Variants in EFCAB14 observed in about 807,000 individuals in gnomAD.
EFCAB14 encodes the protein EF-hand calcium binding domain 14, also known as EF-hand calcium-binding domain-containing protein 14.
In EFCAB14, 43 loss-of-function variants were observed where a neutral mutation model predicts 56.5. The ratio of observed to expected loss-of-function variants is 0.76; its 90% CI spans 0.60 to 0.98. EFCAB14 has a LOEUF of 0.98. Ranked by LOEUF, EFCAB14 falls within the 50% of genes least tolerant of loss-of-function variation. The pLI, the probability that EFCAB14 is intolerant of heterozygous loss-of-function variation, is 0.00. For missense variants in EFCAB14, 538 were observed against 580.3 expected (o/e 0.93, Z 0.75); for synonymous variants, 235 against 212.9 (o/e 1.10, Z -0.90).
chr1:46,683,915 T>C (rs1676837127), intron 9 of EFCAB14, among the ~76,000 whole-genome samples: 1 of 152,208 alleles, frequency 6.6e-6, no homozygotes, highest in Non-Finnish European at 1.5e-5. Context: ...AGAGAGTTTG[T>C]ACTGCTTTTC....
chr1:46,715,412 C>A (rs901613400), intron 2 of EFCAB14, among the ~76,000 whole-genome samples: 1 of 152,166 alleles, frequency 6.6e-6, no homozygotes, highest in African/African-American at 2.4e-5. Context: ...AAAAATAATA[C>A]CCATCTCACC....
At chr1:46,705,893 C>A (rs1430376780) in intron 3 of EFCAB14, among the ~76,000 whole-genome samples, 2 of 151,628 alleles carry the variant, frequency 1.3e-5, no homozygotes, top group Non-Finnish European at 2.9e-5. Context: ...GAGACAGGGT[C>A]TTGCTCTGTT....
intron 3 of EFCAB14, among the ~76,000 whole-genome samples, chr1:46,706,716 CTAATTA>C (rs1382153573): frequency 2.0e-5 from 3 of 152,220 alleles, no homozygotes; most frequent in Admixed American, 2.0e-4. Flanking sequence ...CTGCTTTTCT[CTAATTA>C]CTTAGAGTCC....
At chr1:46,683,991 G>A (rs1320276197) in intron 9 of EFCAB14, among the ~76,000 whole-genome samples, 1 of 152,156 alleles carries the variant, frequency 6.6e-6, no homozygotes. Flanking sequence ...CCTTGGTTAT[G>A]TCCTCACAGG....
chr1:46,693,649 C>T (rs1359647346), intron 4 of EFCAB14, among the ~76,000 whole-genome samples: 1 of 152,104 alleles, frequency 6.6e-6, no homozygotes, highest in Non-Finnish European at 1.5e-5. Context: ...TGTATGAACC[C>T]ATTGGGATGC....
intron 2 of EFCAB14, among the ~76,000 whole-genome samples, chr1:46,712,441 G>A (rs1677323270): frequency 6.6e-6 from 1 of 151,612 alleles, no homozygotes; most frequent in Non-Finnish European, 1.5e-5. Context: ...AGAGTTTCAG[G>A]GCCAGTCAGT....
In EFCAB14 at chr1:46,678,443, A is replaced by C. The variant is rs1372036868; in HGVS notation, c.*18T>G. 5.6e-6 allele frequency: 9 copies of C among 1,613,556 alleles called. No individual in the cohort carries two copies. Among genetic ancestry groups the C allele is most frequent in the Non-Finnish European group, 7.6e-6 (9 of 1,179,852 alleles). On this transcript the variant is annotated 3_prime_UTR_variant, in exon 11 of 11. Coordinates refer to ENST00000371933, the MANE Select transcript of EFCAB14 (RefSeq NM_014774.3). ...AATAGATATTAGGCAGTCCATTTCT[A>C]AAATATGCCTGATGAAGCTAGATAC...
rs1455442731 is a variant in EFCAB14, at chr1:46,683,289, T to C, written c.1312+11A>G. 1 of 1,610,876 alleles carries C rather than the reference T, an allele frequency of 6.2e-7. No homozygotes were observed. ...ACATTCCCATTACTACCCCGTGGTATAAAAATTTACCTTCAGTGCTAGAAA... is the reference window on the plus strand; with the variant it reads ...ACATTCCCATTACTACCCCGTGGTACAAAAATTTACCTTCAGTGCTAGAAA... On this transcript the variant is annotated intron_variant, in intron 10 of 10. Coordinates refer to ENST00000371933, the MANE Select transcript of EFCAB14 (RefSeq NM_014774.3).
At chr1:46,713,649 G>A (rs1186894347) in intron 2 of EFCAB14, among the ~76,000 whole-genome samples, 2 of 152,082 alleles carry the variant, frequency 1.3e-5, no homozygotes, top group Non-Finnish European at 2.9e-5. Context: ...GGTGAATTGA[G>A]CAATGTTTTG....
intron 4 of EFCAB14, among the ~76,000 whole-genome samples, chr1:46,695,201 C>A (rs906025769): frequency 6.6e-6 from 1 of 152,086 alleles, no homozygotes; most frequent in Non-Finnish European, 1.5e-5. Flanking sequence ...GCACATGTAC[C>A]CTAGAACTTA....
chr1:46,712,155 G>A (rs961081973), intron 2 of EFCAB14, among the ~76,000 whole-genome samples: 1 of 152,172 alleles, frequency 6.6e-6, no homozygotes, highest in African/African-American at 2.4e-5. Context: ...ACTTTTTCTA[G>A]TATACTTTAG....
rs1463034385 is a variant in EFCAB14, at chr1:46,697,851, TC to T, written c.481-1203del. 6.7e-3 allele frequency among the ~76,000 whole-genome samples: 829 copies of T among 123,672 alleles called. 7 individuals are homozygous for T. Among genetic ancestry groups the T allele is most frequent in the East Asian group, 0.037 (146 of 3,968 alleles). The allele number at this position is 123,672 out of a possible 152,430, so 81.1% of individuals were successfully genotyped here. ...CTAAGAATTTTTTCCTTTCTCTCTC[TC>T]TCTTTTTTTTTTTTTTTTTGAGACA... On this transcript the variant is annotated intron_variant, in intron 3 of 10. Transcript: ENST00000371933.
intron 3 of EFCAB14, among the ~76,000 whole-genome samples, chr1:46,707,433 T>A (rs1159114530): frequency 6.6e-6 from 1 of 152,236 alleles, no homozygotes; most frequent in African/African-American, 2.4e-5. Flanking sequence ...ATTAGGCTTA[T>A]TTGACTGACC....
At chr1:46,710,103 G>A (rs974063360) in intron 2 of EFCAB14, among the ~76,000 whole-genome samples, 2 of 152,084 alleles carry the variant, frequency 1.3e-5, no homozygotes, top group East Asian at 1.9e-4. Flanking sequence ...GCTTACTACT[G>A]AAAATTCAGA....
rs1047601942 is a variant in EFCAB14 at position 46,676,921 on chromosome 1, G to A, written c.*1540C>T. On this transcript the variant is annotated 3_prime_UTR_variant, in exon 11 of 11. Transcript: ENST00000371933. ...TTAAGGGTACCGGACTGTATCCATGGTGAAGGGCAACCTGAACAAAGTTAA... is the reference window on the plus strand; with the variant it reads ...TTAAGGGTACCGGACTGTATCCATGATGAAGGGCAACCTGAACAAAGTTAA... 11 of 152,458 alleles carry A rather than the reference G, an allele frequency of 7.2e-5. No individual in the cohort carries two copies. Among genetic ancestry groups the A allele is most frequent in the African/African-American group, 2.7e-4 (11 of 41,406 alleles). 9.4% of individuals were successfully genotyped at this position (152,458 alleles called of 1,614,324 possible).
chr1:46,699,929 C>T (rs2405030), intron 3 of EFCAB14, among the ~76,000 whole-genome samples: 56,178 of 152,034 alleles, frequency 0.37, 11,599 homozygotes, highest in East Asian at 0.74. Context: ...AGGGAGCTGC[C>T]ATGCTGTGAG....
At chr1:46,691,384 T>C (rs2148842777) in intron 5 of EFCAB14, among the ~76,000 whole-genome samples, 1 of 152,360 alleles carries the variant, frequency 6.6e-6, no homozygotes, top group South Asian at 2.1e-4. Flanking sequence ...CTAGACAGCC[T>C]GCCTTTCATC....
rs1232185960 is a variant in EFCAB14, at chr1:46,676,213, T to C, written c.*2248A>G. The C allele has an allele frequency of 6.6e-6, 1 of 152,178 alleles. No homozygotes were observed. The highest frequency in any genetic ancestry group is 1.5e-5 in the Non-Finnish European group (1 of 68,038). The allele number at this position is 152,178 out of a possible 1,614,324, so 9.4% of individuals were successfully genotyped here. A position where few individuals can be genotyped will look rare whatever the true frequency, so the allele number is the denominator to read the frequency against. Reference sequence around the variant, plus strand: ...TCAGGCAGGATGACAAAAATATTCATAGATCTGAGAATGCAGTATAAACAC... The same window carrying C: ...TCAGGCAGGATGACAAAAATATTCACAGATCTGAGAATGCAGTATAAACAC... On this transcript the variant is annotated 3_prime_UTR_variant, in exon 11 of 11. Transcript: ENST00000371933.
At chr1:46,696,227 T>C (rs1677076623) in intron 4 of EFCAB14, among the ~76,000 whole-genome samples, 1 of 152,004 alleles carries the variant, frequency 6.6e-6, no homozygotes, top group African/African-American at 2.4e-5. Flanking sequence ...AAAAGCAAGC[T>C]GAAAAGCGAA....
Sources: gnomAD v4.1 joint callset for allele counts (sites outside exome capture counted in the v4.1 genomes callset) on GRCh38, gnomAD v4.1.1 for gene constraint, MANE v1.5 for transcripts, NCBI Gene and HGNC (gene_info 2026-07-23, HGNC 2026-07-21) for gene names.